MAPK8: variants seen among roughly 807,000 people sequenced by gnomAD.
MAPK8 encodes the protein JUN N-terminal kinase.
In MAPK8, 13 loss-of-function variants were observed where a neutral mutation model predicts 52.9. The ratio of observed to expected loss-of-function variants is 0.25; its 90% CI spans 0.16 to 0.39. The LOEUF is 0.39. MAPK8 is among the 10% of genes least tolerant of loss of function. The pLI, the probability that MAPK8 is intolerant of heterozygous loss-of-function variation, is 1.00. For missense variants in MAPK8, 300 were observed against 519.2 expected (o/e 0.58, Z 4.10); for synonymous variants, 191 against 169.8 (o/e 1.12, Z -0.97).
intron 1 of MAPK8, among the ~76,000 whole-genome samples, chr10:48,349,967 C>T (rs921678177): frequency 2.0e-5 from 3 of 152,044 alleles, no homozygotes; most frequent in Non-Finnish European, 4.4e-5. Context: ...TACAAACTAC[C>T]GTCAGAGAAT....
At chr10:48,310,678 C>T (rs1841892316) in intron 1 of MAPK8, among the ~76,000 whole-genome samples, 1 of 152,082 alleles carries the variant, frequency 6.6e-6, no homozygotes, top group African/African-American at 2.4e-5. Flanking sequence ...AACAAAAGCC[C>T]ACTTCACATC....
intron 5 of MAPK8, among the ~76,000 whole-genome samples, chr10:48,417,937 G>C (rs1016361116): frequency 6.6e-6 from 1 of 152,148 alleles, no homozygotes; most frequent in Non-Finnish European, 1.5e-5. Flanking sequence ...CTTTTCTAGA[G>C]CAGGGTTCAA....
chr10:48,348,263 G>C (rs1296207336), intron 1 of MAPK8, among the ~76,000 whole-genome samples: 2 of 152,188 alleles, frequency 1.3e-5, no homozygotes, highest in Non-Finnish European at 2.9e-5. Flanking sequence ...ATTTGTTTAA[G>C]TTCTTTGTAG....
chr10:48,372,242 T>C (rs928140441), intron 1 of MAPK8, among the ~76,000 whole-genome samples: 1 of 151,816 alleles, frequency 6.6e-6, no homozygotes, highest in Non-Finnish European at 1.5e-5. Flanking sequence ...AGACCAAAGG[T>C]AGATAAGTCC....
Position 48,439,334 on chromosome 10 carries a change from GAAA to G in MAPK8, c.*4309_*4311del, listed in dbSNP as rs560909642. On this transcript the variant is annotated 3_prime_UTR_variant, in exon 12 of 12. Transcript: ENST00000374189. ...TGGTTATAATATTTTAAATAAAAAA[GAAA>G]AAAGTGGTATGAAAATTATGAAATT... is the stretch of plus-strand genomic sequence containing the variant. The G allele has an allele frequency of 6.7e-6, 1 of 149,900 alleles. No homozygotes were observed. Among genetic ancestry groups the G allele is most frequent in the Non-Finnish European group, 1.5e-5 (1 of 67,716 alleles). 9.3% of individuals were successfully genotyped at this position (149,900 alleles called of 1,614,324 possible).
At chr10:48,311,429 C>T (rs943790385) in intron 1 of MAPK8, among the ~76,000 whole-genome samples, 1 of 152,156 alleles carries the variant, frequency 6.6e-6, no homozygotes, top group African/African-American at 2.4e-5. Flanking sequence ...TGGAAATGTT[C>T]CAGAAGCAAA....
intron 1 of MAPK8, among the ~76,000 whole-genome samples, chr10:48,389,343 A>T: frequency 6.6e-6 from 1 of 152,162 alleles, no homozygotes; most frequent in East Asian, 1.9e-4. Context: ...CATTCGTTAG[A>T]GCTAACCTCA....
chr10:48,366,948 T>C (rs1848109507), intron 1 of MAPK8, among the ~76,000 whole-genome samples: 1 of 152,162 alleles, frequency 6.6e-6, no homozygotes, highest in Non-Finnish European at 1.5e-5. Context: ...AATATTGTTT[T>C]CCTAACTTGA....
At chr10:48,392,652 C>G (rs1729526497) in intron 1 of MAPK8, among the ~76,000 whole-genome samples, 1 of 151,858 alleles carries the variant, frequency 6.6e-6, no homozygotes, top group Non-Finnish European at 1.5e-5. Flanking sequence ...CTTTCTCATT[C>G]CCCCATTCTC....
Position 48,439,238 on chromosome 10 carries a change from T to C in MAPK8, c.*4209T>C, listed in dbSNP as rs2045106204. On this transcript the variant is annotated 3_prime_UTR_variant, in exon 12 of 12. Coordinates refer to ENST00000374189, the MANE Select transcript of MAPK8 (RefSeq NM_001323329.2). ...GAATGCTGAGATCATTATTGTGGTT[T>C]TTCATCATTCATGCCCTAGTCATTA... 6.6e-6 allele frequency: 1 copy of C among 150,646 alleles called. No individual in the cohort carries two copies. The highest frequency in any genetic ancestry group is 2.5e-5 in the African/African-American group (1 of 40,782). The allele number at this position is 150,646 out of a possible 1,614,324, so 9.3% of individuals were successfully genotyped here. A position where few individuals can be genotyped will look rare whatever the true frequency, so the allele number is the denominator to read the frequency against.
chr10:48,341,143 A>T (rs1453044696), intron 1 of MAPK8, among the ~76,000 whole-genome samples: 1 of 152,256 alleles, frequency 6.6e-6, no homozygotes, highest in African/African-American at 2.4e-5. Context: ...GAGTTGCCTC[A>T]AGAACTGCTG....
At chr10:48,425,313 T>G (rs2043612477) in intron 7 of MAPK8, 1 of 571,972 alleles carries the variant, frequency 1.7e-6, no homozygotes, top group South Asian at 2.5e-5. Flanking sequence ...AGCAAAAAAC[T>G]GAATCTTTTT....
At chr10:48,409,207 G>A (rs1022911936) in intron 3 of MAPK8, among the ~76,000 whole-genome samples, 4 of 152,128 alleles carry the variant, frequency 2.6e-5, no homozygotes, top group African/African-American at 9.7e-5. Context: ...AAAAGAGATT[G>A]AAGGTCAGAT....
chr10:48,407,187 G>A (rs1340644786), intron 3 of MAPK8, among the ~76,000 whole-genome samples: 1 of 152,124 alleles, frequency 6.6e-6, no homozygotes, highest in East Asian at 1.9e-4. Context: ...GTTTTGCTCA[G>A]GATATCTTTG....
intron 5 of MAPK8, among the ~76,000 whole-genome samples, chr10:48,416,632 C>T (rs1348088490): frequency 6.6e-6 from 1 of 152,154 alleles, no homozygotes; most frequent in African/African-American, 2.4e-5. Context: ...CTGCCAAATA[C>T]CATAGATGGA....
chr10:48,432,251 ATGT>A, intron 11 of MAPK8, among the ~76,000 whole-genome samples: 1 of 152,336 alleles, frequency 6.6e-6, no homozygotes, highest in African/African-American at 2.4e-5. Flanking sequence ...AAAAAAATAG[ATGT>A]TGTATCTAGC....
intron 6 of MAPK8, 56 bp from the exon 7 acceptor site, chr10:48,424,032 T>C (rs1201448114): frequency 7.0e-7 from 1 of 1,421,692 alleles, no homozygotes; most frequent in Non-Finnish European, 9.8e-7. Flanking sequence ...TTATGCTTCT[T>C]TGATTTTAAT....
At chr10:48,371,036 G>T (rs1251922570) in intron 1 of MAPK8, among the ~76,000 whole-genome samples, 1 of 152,086 alleles carries the variant, frequency 6.6e-6, no homozygotes, top group Non-Finnish European at 1.5e-5. Flanking sequence ...CAGATCACCG[G>T]ATTTGTGAGT....
rs140840964 is a variant in MAPK8 at position 48,336,832 on chromosome 10, A to C, written c.-50+30011A>C. Reference sequence around the variant, plus strand: ...GGTTTTTTAAAGAGAAGGTGTTGCTATTGTTGTATCAGATAACACAGATAT... The same window carrying C: ...GGTTTTTTAAAGAGAAGGTGTTGCTCTTGTTGTATCAGATAACACAGATAT... On this transcript the variant is annotated intron_variant, in intron 1 of 11. Coordinates refer to ENST00000374189, the MANE Select transcript of MAPK8 (RefSeq NM_001323329.2). Among the ~76,000 whole-genome samples, 240 of 152,294 alleles carry C rather than the reference A, an allele frequency of 1.6e-3. 2 individuals are homozygous for C. Among genetic ancestry groups the C allele is most frequent in the African/African-American group, 5.6e-3 (234 of 41,566 alleles).
Sources: gnomAD v4.1 joint callset for allele counts (sites outside exome capture counted in the v4.1 genomes callset) on GRCh38, gnomAD v4.1.1 for gene constraint, MANE v1.5 for transcripts, NCBI Gene and HGNC (gene_info 2026-07-23, HGNC 2026-07-21) for gene names.